The following LRRC7 variants were observed in gnomAD, a reference collection of about 807,000 sequenced individuals.
LRRC7 encodes leucine-rich repeat-containing protein 7.
LRRC7 carries 23 observed loss-of-function variants against 175.7 expected under a neutral mutation model. The ratio of observed to expected loss-of-function variants is 0.13; its 90% CI spans 0.09 to 0.19. The LOEUF is 0.19. Ranked by LOEUF, LRRC7 falls within the 10% of genes least tolerant of loss-of-function variation. LRRC7 has a pLI of 1.00. For synonymous variants in LRRC7, 685 were observed against 680.9 expected, an observed-to-expected ratio of 1.01 and a Z score of -0.09; for missense variants, 1,354 against 1,904.7, an observed-to-expected ratio of 0.71 and a Z score of 5.38.
intron 17 of LRRC7, among the ~76,000 whole-genome samples, chr1:70,024,775 A>G (rs1269509018): frequency 2.6e-5 from 4 of 152,140 alleles, no homozygotes; most frequent in African/African-American, 4.8e-5. Context: ...ATGTTTATTC[A>G]CTTCTGATGC....
chr1:69,905,656 A>G (rs1646281439), intron 7 of LRRC7, among the ~76,000 whole-genome samples: 1 of 152,146 alleles, frequency 6.6e-6, no homozygotes, highest in Non-Finnish European at 1.5e-5. Context: ...CCAGTCTATC[A>G]TTGTTGGACA....
intron 1 of LRRC7, among the ~76,000 whole-genome samples, chr1:69,664,724 T>C (rs776636296): frequency 6.6e-6 from 1 of 152,208 alleles, no homozygotes; most frequent in Non-Finnish European, 1.5e-5. Context: ...AGATGGGTAG[T>C]TTGCACATAT....
chr1:69,785,411 A>T (rs1674290132), intron 3 of LRRC7, among the ~76,000 whole-genome samples: 2 of 152,146 alleles, frequency 1.3e-5, no homozygotes, highest in South Asian at 4.1e-4. Flanking sequence ...GTTAAACAAC[A>T]TAGAGATTGC....
Position 70,134,437 on chromosome 1 carries a change from A to G in LRRC7, c.*12550A>G, listed in dbSNP as rs1350247650. 2.6e-5 allele frequency among the ~76,000 whole-genome samples: 4 copies of G among 152,190 alleles called. No individual in the cohort carries two copies. The highest frequency in any genetic ancestry group is 6.5e-5 in the Admixed American group (1 of 15,274). On this transcript the variant is annotated 3_prime_UTR_variant, in exon 27 of 27. Transcript: ENST00000651989. ...AATTATATCCTCACCCTCACAGCTT[A>G]GCCAGCCTCCTGGTCTGAGCTTCTT... is the stretch of plus-strand genomic sequence containing the variant.
intron 3 of LRRC7, among the ~76,000 whole-genome samples, chr1:69,767,857 C>T (rs1052535252): frequency 6.6e-6 from 1 of 151,858 alleles, no homozygotes; most frequent in Admixed American, 6.6e-5. Flanking sequence ...ATATTACACT[C>T]AATATAGAAT....
chr1:69,659,938 C>G (rs1447759906), intron 1 of LRRC7, among the ~76,000 whole-genome samples: 1 of 146,156 alleles, frequency 6.8e-6, no homozygotes, highest in Non-Finnish European at 1.5e-5. Flanking sequence ...ATAAATAGCA[C>G]AAAATAAGAT....
intron 23 of LRRC7, among the ~76,000 whole-genome samples, chr1:70,071,938 C>T (rs1662421696): frequency 6.6e-6 from 1 of 152,130 alleles, no homozygotes; most frequent in South Asian, 2.1e-4. Flanking sequence ...CAAATACTTC[C>T]AACTGTCACA....
At chr1:69,757,931 C>A (rs990460216) in intron 2 of LRRC7, among the ~76,000 whole-genome samples, 2 of 151,826 alleles carry the variant, frequency 1.3e-5, no homozygotes, top group Admixed American at 1.3e-4. Flanking sequence ...GCCTCTCTTT[C>A]CACCTCTCAT....
intron 26 of LRRC7, among the ~76,000 whole-genome samples, chr1:70,109,062 C>G (rs1665342422): frequency 6.6e-6 from 1 of 152,096 alleles, no homozygotes. Context: ...ACTCTTATTG[C>G]CCAGGCTGGA....
At chr1:69,724,115 C>T (rs1029113711) in intron 2 of LRRC7, among the ~76,000 whole-genome samples, 6 of 152,128 alleles carry the variant, frequency 3.9e-5, no homozygotes, top group Admixed American at 2.6e-4. Flanking sequence ...TAAAATTGAG[C>T]ACATTCCTTC....
At chr1:69,920,173 G>C (rs1269841534) in intron 7 of LRRC7, 5 of 180,974 alleles carry the variant, frequency 2.8e-5, no homozygotes, top group African/African-American at 1.2e-4. Context: ...CCAGGTCCTG[G>C]AGGCAGATGC....
intron 3 of LRRC7, among the ~76,000 whole-genome samples, chr1:69,775,805 T>C (rs1672747374): frequency 6.6e-6 from 1 of 152,178 alleles, no homozygotes; most frequent in South Asian, 2.1e-4. Flanking sequence ...ATATTTACTG[T>C]ATTCTGTTGT....
intron 10 of LRRC7, among the ~76,000 whole-genome samples, chr1:69,990,361 TTACTC>T (rs1327507826): frequency 2.0e-5 from 3 of 152,078 alleles, no homozygotes; most frequent in Non-Finnish European, 4.4e-5. Flanking sequence ...ATACCTTTGA[TTACTC>T]TAGAGAAAAG....
chr1:69,721,229 A>G (rs1480647711), intron 2 of LRRC7, among the ~76,000 whole-genome samples: 1 of 151,890 alleles, frequency 6.6e-6, no homozygotes, highest in African/African-American at 2.4e-5. Flanking sequence ...CCATATAGTT[A>G]TTACTCAAAG....
chr1:70,005,025 GT>G lies in LRRC7; in HGVS notation c.1005-6761del, dbSNP rs372645848. ...TTCAGAAATAGATTGTTCAAGATTCGTTTTTTTTTTTCCAGGTACTCTACCT... is the reference window on the plus strand; with the variant it reads ...TTCAGAAATAGATTGTTCAAGATTCGTTTTTTTTTTCCAGGTACTCTACCT... On this transcript the variant is annotated intron_variant, in intron 11 of 26. Coordinates refer to ENST00000651989, the MANE Select transcript of LRRC7 (RefSeq NM_001370785.2). 4.3e-3 allele frequency among the ~76,000 whole-genome samples: 632 copies of G among 146,640 alleles called. 7 individuals carry two copies. The highest frequency in any genetic ancestry group is 0.014 in the African/African-American group (554 of 40,296).
intron 8 of LRRC7, among the ~76,000 whole-genome samples, chr1:69,970,816 G>A (rs2101866590): frequency 6.6e-6 from 1 of 151,966 alleles, no homozygotes; most frequent in South Asian, 2.1e-4. Flanking sequence ...ACCAGGAAAG[G>A]ACATAATCAA....
chr1:70,077,304 G>A (rs1662855113), intron 24 of LRRC7, among the ~76,000 whole-genome samples: 1 of 152,104 alleles, frequency 6.6e-6, no homozygotes, highest in African/African-American at 2.4e-5. Flanking sequence ...TAGGTGCATT[G>A]TAAAGATAAT....
chr1:70,125,765 C>G lies in LRRC7; in HGVS notation c.*3878C>G, dbSNP rs1172614505. ...CGAGATCCCGCCACTGCACTCCAGC[C>G]TGGGCGACAGAGCGAGACTCCGTCT... On this transcript the variant is annotated 3_prime_UTR_variant, in exon 27 of 27. Transcript: ENST00000651989. Among the ~76,000 whole-genome samples the G allele has an allele frequency of 6.1e-5, 8 of 131,662 alleles. No individual in the cohort carries two copies. The highest frequency in any genetic ancestry group is 2.4e-4 in the African/African-American group (8 of 33,528). 86.4% of individuals were successfully genotyped at this position (131,662 alleles called of 152,430 possible).
chr1:70,095,935 G>C (rs554278935), intron 25 of LRRC7, among the ~76,000 whole-genome samples: 1 of 152,006 alleles, frequency 6.6e-6, no homozygotes, highest in East Asian at 1.9e-4. Context: ...ACTGAATAAG[G>C]TACCAAAGTA....
Sources: allele counts gnomAD v4.1 joint callset (sites outside exome capture counted in the v4.1 genomes callset), GRCh38; gene constraint gnomAD v4.1.1; transcripts MANE v1.5; gene names NCBI Gene and HGNC (gene_info 2026-07-23, HGNC 2026-07-21).